PARD3B: variants seen among roughly 807,000 people sequenced by gnomAD.
The protein encoded by PARD3B is partitioning defective 3 homolog B.
In PARD3B, 103 loss-of-function variants were observed where a neutral mutation model predicts 130.2. The observed-to-expected ratio is 0.79, with a 90% confidence interval of 0.67 to 0.93. The LOEUF (loss-of-function observed/expected upper bound fraction) is 0.93. PARD3B is among the 40% of genes least tolerant of loss of function. PARD3B has a pLI of 0.00. For synonymous variants in PARD3B, 583 were observed against 553.2 expected (o/e 1.05, Z -0.76); for missense variants, 1,609 against 1,499.2 (o/e 1.07, Z -1.21).
chr2:204,941,550 C>T (rs1169140873), intron 2 of PARD3B, among the ~76,000 whole-genome samples: 3 of 152,140 alleles, frequency 2.0e-5, no homozygotes, highest in Non-Finnish European at 4.4e-5. Flanking sequence ...TGCACCTTTC[C>T]CATGAAAATC....
Position 205,573,557 on chromosome 2 carries a change from A to G in PARD3B, c.3260+20154A>G, listed in dbSNP as rs111871650. On this transcript the variant is annotated intron_variant, in intron 22 of 22. Transcript: ENST00000406610. ...AAAAGGAAACTGAGATTTTAAGACT[A>G]CATAATTCCTAGAATTTAAACTGAA... Among the ~76,000 whole-genome samples, 1,256 of 152,352 alleles carry G rather than the reference A, an allele frequency of 8.2e-3. 7 individuals carry two copies. Among genetic ancestry groups the G allele is most frequent in the South Asian group, 0.033 (158 of 4,824 alleles).
intron 2 of PARD3B, among the ~76,000 whole-genome samples, chr2:204,927,645 C>G (rs1338680614): frequency 1.3e-5 from 2 of 151,306 alleles, no homozygotes; most frequent in Non-Finnish European, 2.9e-5. Context: ...TGAATTGATA[C>G]AGGAATCCAT....
At chr2:204,644,355 G>T (rs146216284) in intron 1 of PARD3B, among the ~76,000 whole-genome samples, 2 of 152,164 alleles carry the variant, frequency 1.3e-5, no homozygotes, top group Admixed American at 1.3e-4. Flanking sequence ...GTATGGGTGT[G>T]TGGGTGTCTA....
chr2:204,613,685 A>G (rs2034010038), intron 1 of PARD3B, among the ~76,000 whole-genome samples: 1 of 151,970 alleles, frequency 6.6e-6, no homozygotes, highest in Non-Finnish European at 1.5e-5. Context: ...AAATTTTGCC[A>G]TCAAAAGTTT....
chr2:205,540,078 G>A (rs1183502535), intron 21 of PARD3B, among the ~76,000 whole-genome samples: 5 of 152,168 alleles, frequency 3.3e-5, no homozygotes, highest in Non-Finnish European at 7.3e-5. Context: ...GTCCTCCACA[G>A]CATGTGAGTT....
Position 204,889,568 on chromosome 2 carries a change from C to G in PARD3B, c.223-75584C>G, listed in dbSNP as rs553802022. 7.9e-5 allele frequency among the ~76,000 whole-genome samples: 12 copies of G among 152,266 alleles called. No individual in the cohort carries two copies. The South Asian group carries it at 2.5e-3, about 32-fold the overall frequency. ...CATGAAGCCAGCCCTGGCTCCAGAA[C>G]TGTTCAAGTCCAGCTAGATGGCAGT... is the stretch of plus-strand genomic sequence containing the variant. On this transcript the variant is annotated intron_variant, in intron 2 of 22. Coordinates refer to ENST00000406610, the MANE Select transcript of PARD3B (RefSeq NM_001302769.2).
intron 22 of PARD3B, among the ~76,000 whole-genome samples, chr2:205,556,318 A>AATAAC (rs2052884163): frequency 1.3e-5 from 2 of 152,318 alleles, no homozygotes; most frequent in East Asian, 1.9e-4. Context: ...GGAACAATTC[A>AATAAC]ATAACATTGA....
Position 205,094,927 on chromosome 2 carries a change from A to G in PARD3B, c.505-9499A>G, listed in dbSNP as rs564385971. ...ATCCCAACTTCCTTAAGTTTTTTCT[A>G]TTTACCAGCTTTAGGTGATGATTTG... On this transcript the variant is annotated intron_variant, in intron 4 of 22. Coordinates refer to ENST00000406610, the MANE Select transcript of PARD3B (RefSeq NM_001302769.2). Among the ~76,000 whole-genome samples, 5 of 152,226 alleles carry G rather than the reference A, an allele frequency of 3.3e-5. No homozygotes were observed. The East Asian group carries it at 9.7e-4, about 29-fold the overall frequency.
chr2:204,551,187 G>C (rs1173864120), intron 1 of PARD3B, among the ~76,000 whole-genome samples: 2 of 152,164 alleles, frequency 1.3e-5, no homozygotes, highest in Non-Finnish European at 2.9e-5. Context: ...TTGTAGGTCT[G>C]CTCAGTGTTA....
chr2:204,827,804 G>T (rs2043642700), intron 2 of PARD3B, among the ~76,000 whole-genome samples: 2 of 152,164 alleles, frequency 1.3e-5, no homozygotes, highest in African/African-American at 4.8e-5. Flanking sequence ...ATTAAGTTTT[G>T]AAGTGCTATC....
intron 2 of PARD3B, among the ~76,000 whole-genome samples, chr2:204,929,907 A>T (rs1046567824): frequency 2.0e-5 from 3 of 152,090 alleles, no homozygotes; most frequent in African/African-American, 7.2e-5. Context: ...CCTTTAATTT[A>T]GTTGATAATA....
intron 3 of PARD3B, among the ~76,000 whole-genome samples, chr2:204,972,823 C>T (rs1461637651): frequency 6.6e-6 from 1 of 152,182 alleles, no homozygotes; most frequent in Non-Finnish European, 1.5e-5. Flanking sequence ...GAAAGGTCAC[C>T]TTTCCTACCA....
intron 21 of PARD3B, among the ~76,000 whole-genome samples, chr2:205,519,496 T>C (rs980810065): frequency 1.3e-5 from 2 of 152,252 alleles, no homozygotes; most frequent in Admixed American, 1.3e-4. Context: ...TTGTGATTCT[T>C]ACATTCCTTG....
chr2:205,110,643 T>G (rs1304300029), intron 5 of PARD3B, among the ~76,000 whole-genome samples: 1 of 151,192 alleles, frequency 6.6e-6, no homozygotes, highest in East Asian at 1.9e-4. Flanking sequence ...TGTTTTTTGT[T>G]TTTTTTGTAA....
chr2:205,386,814 T>C (rs958644854), intron 18 of PARD3B, among the ~76,000 whole-genome samples: 1 of 152,090 alleles, frequency 6.6e-6, no homozygotes, highest in African/African-American at 2.4e-5. Flanking sequence ...AGTGTGACCT[T>C]AGGTAGGTCA....
intron 15 of PARD3B, among the ~76,000 whole-genome samples, chr2:205,220,863 T>C (rs1357370451): frequency 6.6e-6 from 1 of 152,140 alleles, no homozygotes; most frequent in African/African-American, 2.4e-5. Context: ...ATGGTTTGCG[T>C]GTCCTAGGAC....
chr2:204,785,883 G>A (rs2041990880), intron 2 of PARD3B, among the ~76,000 whole-genome samples: 1 of 152,122 alleles, frequency 6.6e-6, no homozygotes, highest in African/African-American at 2.4e-5. Context: ...GGAGGCCAAG[G>A]CAGGAGAATC....
chr2:205,586,610 T>C (rs2054205126), intron 22 of PARD3B, among the ~76,000 whole-genome samples: 1 of 151,888 alleles, frequency 6.6e-6, no homozygotes, highest in African/African-American at 2.4e-5. Context: ...CAAAATTATA[T>C]ACATATTAGA....
intron 19 of PARD3B, among the ~76,000 whole-genome samples, chr2:205,425,281 G>A (rs2047105504): frequency 6.6e-6 from 1 of 152,186 alleles, no homozygotes; most frequent in African/African-American, 2.4e-5. Flanking sequence ...GCATTTCTGA[G>A]AAACTTGTCT....
Sources: allele counts gnomAD v4.1 joint callset (sites outside exome capture counted in the v4.1 genomes callset), GRCh38; gene constraint gnomAD v4.1.1; transcripts MANE v1.5; gene names NCBI Gene and HGNC (gene_info 2026-07-23, HGNC 2026-07-21).